AMOTL1: variants seen among roughly 807,000 people sequenced by gnomAD.
AMOTL1 encodes the protein angiomotin-like protein 1.
AMOTL1 carries 45 observed loss-of-function variants against 102.9 expected under a neutral mutation model. That is an observed-to-expected ratio of 0.44 (90% CI 0.34 to 0.56). The LOEUF is 0.56. AMOTL1 is among the 20% of genes least tolerant of loss of function. AMOTL1 has a pLI of 0.01. For missense variants in AMOTL1, 1,114 were observed against 1,225.6 expected, an observed-to-expected ratio of 0.91 and a Z score of 1.36; for synonymous variants, 481 against 484.7, an observed-to-expected ratio of 0.99 and a Z score of 0.10.
At chr11:94,848,127 T>G (rs1240685113) in intron 6 of AMOTL1, among the ~76,000 whole-genome samples, 1 of 152,152 alleles carries the variant, frequency 6.6e-6, no homozygotes, top group Non-Finnish European at 1.5e-5. Context: ...TGGTCAAATA[T>G]CAGTGACTTT....
intron 10 of AMOTL1, among the ~76,000 whole-genome samples, chr11:94,865,139 T>C (rs950499870): frequency 1.3e-5 from 2 of 152,314 alleles, no homozygotes; most frequent in Middle Eastern, 3.4e-3. Flanking sequence ...AGAATTTAGA[T>C]GTCTGTGTTA....
chr11:94,724,282 A>T (rs1236631524), intron 1 of AMOTL1, among the ~76,000 whole-genome samples: 1 of 152,200 alleles, frequency 6.6e-6, no homozygotes, highest in East Asian at 1.9e-4. Flanking sequence ...TCCTTCAAGC[A>T]GCCTTTGAAG....
chr11:94,821,577 C>T lies in AMOTL1; in HGVS notation c.1169C>T (p.Pro390Leu), dbSNP rs1951866310. 1 of 1,613,816 alleles carries T rather than the reference C, an allele frequency of 6.2e-7. No individual in the cohort carries two copies. The highest frequency in any genetic ancestry group is 1.7e-5 in the Admixed American group (1 of 59,994). ...CCATCAACCATGCAGCAGCACAGCC[C>T]CATGTCCTCCCAGACCTCTTCCGCC... ...PFPSTMQQHS[P>L]MSSQTSSASG... Residue 390 changes from proline (P) to leucine (L), a missense_variant, in exon 4 of 13, where the codon CCC becomes CTC. Pro to Leu is a moderately conservative substitution (Grantham distance 98). Transcript: ENST00000433060.
intron 1 of AMOTL1, among the ~76,000 whole-genome samples, chr11:94,782,051 A>T (rs1412260852): frequency 6.6e-6 from 1 of 152,162 alleles, no homozygotes; most frequent in Non-Finnish European, 1.5e-5. Flanking sequence ...ATCCTGTGTG[A>T]TGAAATGGGA....
intron 1 of AMOTL1, among the ~76,000 whole-genome samples, chr11:94,785,558 A>C (rs1169489850): frequency 6.6e-6 from 1 of 152,328 alleles, no homozygotes; most frequent in Admixed American, 6.5e-5. Flanking sequence ...TGTTTAAATT[A>C]TGTAATTCAT....
chr11:94,857,321 C>T (rs1439023899), intron 8 of AMOTL1, among the ~76,000 whole-genome samples: 2 of 152,206 alleles, frequency 1.3e-5, no homozygotes, highest in Non-Finnish European at 2.9e-5. Flanking sequence ...TTAGGGCATT[C>T]GTAGGTACCC....
At chr11:94,822,862 G>T (rs904472283) in intron 4 of AMOTL1, among the ~76,000 whole-genome samples, 2 of 152,164 alleles carry the variant, frequency 1.3e-5, no homozygotes, top group Non-Finnish European at 2.9e-5. Context: ...TTTAGGGCAG[G>T]ACAGCCATAG....
At position 94,799,373 on chromosome 11, in the gene AMOTL1, C is replaced by A; in HGVS notation, c.200-17C>A. On this transcript the variant is annotated splice_polypyrimidine_tract_variant and intron_variant, in intron 2 of 12. Coordinates refer to ENST00000433060, the MANE Select transcript of AMOTL1 (RefSeq NM_130847.3). This position sits in a 1 kb window ranked among gnomAD's most constrained non-coding sequence, Gnocchi z 4.5. Reference sequence around the variant, plus strand: ...GTGGAGCTGCCTGATATCTTTTTTCCTATGTTTATCTTTTAGTTGAAGATC... The same window carrying A: ...GTGGAGCTGCCTGATATCTTTTTTCATATGTTTATCTTTTAGTTGAAGATC... 2 of 1,531,570 alleles carry A rather than the reference C, an allele frequency of 1.3e-6. No individual in the cohort carries two copies. Among genetic ancestry groups the A allele is most frequent in the South Asian group, 2.5e-5 (2 of 81,068 alleles). 94.9% of individuals were successfully genotyped at this position (1,531,570 alleles called of 1,614,324 possible). A position where few individuals can be genotyped will look rare whatever the true frequency, so the allele number is the denominator to read the frequency against.
At chr11:94,719,557 A>G (rs1847901450) in intron 1 of AMOTL1, among the ~76,000 whole-genome samples, 1 of 126,276 alleles carries the variant, frequency 7.9e-6, no homozygotes, top group African/African-American at 2.6e-5. Flanking sequence ...ACAAAAAGCC[A>G]GAGCGAAAAT....
At chr11:94,835,501 C>A (rs1035935681) in intron 6 of AMOTL1, among the ~76,000 whole-genome samples, 2 of 152,064 alleles carry the variant, frequency 1.3e-5, no homozygotes, top group East Asian at 3.8e-4. Flanking sequence ...CAGCTCTAGG[C>A]CAGAAAGCCA....
At chr11:94,707,236 CTCTCTCTCTCTCTCTGTGTGTGTG>C (rs1420458235) in intron 1 of AMOTL1, among the ~76,000 whole-genome samples, 6 of 141,036 alleles carry the variant, frequency 4.3e-5, no homozygotes, top group Non-Finnish European at 7.7e-5. Flanking sequence ...CTCTCTCTCT[CTCTCTCTCTCTCTCTGTGTGTGTG>C]TGTGTGTGTG....
At chr11:94,840,585 A>C (rs1327635374) in intron 6 of AMOTL1, among the ~76,000 whole-genome samples, 1 of 150,558 alleles carries the variant, frequency 6.6e-6, no homozygotes, top group Non-Finnish European at 1.5e-5. Context: ...TTTCCCCAGC[A>C]TAACTTCTGT....
intron 3 of AMOTL1, among the ~76,000 whole-genome samples, chr11:94,819,226 G>T (rs1165806537): frequency 6.6e-6 from 1 of 152,172 alleles, no homozygotes; most frequent in Non-Finnish European, 1.5e-5. Flanking sequence ...CCCGAAATCA[G>T]TAAGCCAAAG....
chr11:94,772,421 A>T (rs1042528215), intron 1 of AMOTL1, among the ~76,000 whole-genome samples: 1 of 152,142 alleles, frequency 6.6e-6, no homozygotes, highest in Admixed American at 6.5e-5. Context: ...ACTCCTGTTC[A>T]CCATATCTAT....
chr11:94,725,786 C>A (rs187297240), intron 1 of AMOTL1, among the ~76,000 whole-genome samples: 18 of 152,254 alleles, frequency 1.2e-4, no homozygotes, highest in Non-Finnish European at 2.5e-4. Context: ...GGAGCTTATT[C>A]AGGGACTGCA....
chr11:94,799,320 A>C lies in AMOTL1; in HGVS notation c.200-70A>C. The C allele has an allele frequency of 8.8e-5, 108 of 1,232,934 alleles. No homozygotes were observed. The highest frequency in any genetic ancestry group is 1.1e-4 in the Non-Finnish European group (103 of 897,930). The allele number at this position is 1,232,934 out of a possible 1,614,324, so 76.4% of individuals were successfully genotyped here. On this transcript the variant is annotated intron_variant, in intron 2 of 12. Transcript: ENST00000433060. The surrounding 1 kb of genome is among the most constrained non-coding windows in gnomAD (Gnocchi z 4.5). Reference sequence around the variant, plus strand: ...GCTGTAGTTAGAATGTTAATTATGTACCACATAGTCACAGACATATATCTC... The same window carrying C: ...GCTGTAGTTAGAATGTTAATTATGTCCCACATAGTCACAGACATATATCTC...
intron 3 of AMOTL1, among the ~76,000 whole-genome samples, chr11:94,762,100 A>AT (rs1220036232): frequency 1.3e-5 from 2 of 152,224 alleles, no homozygotes; most frequent in Non-Finnish European, 2.9e-5. Flanking sequence ...AAATGTGTCT[A>AT]TATCATCACT....
intron 6 of AMOTL1, 124 bp downstream of exon 6, chr11:94,831,665 C>A: frequency 1.2e-6 from 1 of 809,912 alleles, no homozygotes; most frequent in African/African-American, 1.7e-5. Flanking sequence ...ATTTAGCATA[C>A]AACCTATTGA....
intron 10 of AMOTL1, among the ~76,000 whole-genome samples, chr11:94,865,725 C>T (rs1223067724): frequency 2.6e-5 from 4 of 152,076 alleles, no homozygotes; most frequent in Non-Finnish European, 4.4e-5. Context: ...CGCTGAAGTC[C>T]CAGTCTCCCA....
Sources: allele counts gnomAD v4.1 joint callset (sites outside exome capture counted in the v4.1 genomes callset), GRCh38; gene constraint gnomAD v4.1.1; non-coding constraint Gnocchi (gnomAD v3.1); transcripts MANE v1.5; gene names NCBI Gene and HGNC (gene_info 2026-07-23, HGNC 2026-07-21).